Variants in ZNF536 observed in about 807,000 individuals in gnomAD.
ZNF536 encodes zinc finger protein 536.
ZNF536 carries 13 observed loss-of-function variants against 84.5 expected under a neutral mutation model. The observed-to-expected ratio is 0.15, with a 90% CI of 0.10 to 0.24. The LOEUF (loss-of-function observed/expected upper bound fraction) is 0.24, where lower values mean the gene tolerates loss of function less well. Ranked by LOEUF, ZNF536 falls within the 10% of genes least tolerant of loss-of-function variation. The pLI is 1.00. For synonymous variants in ZNF536, 811 were observed against 742.5 expected, an observed-to-expected ratio of 1.09 and a Z score of -1.50; for missense variants, 1,536 against 1,747.5, an observed-to-expected ratio of 0.88 and a Z score of 2.16.
Position 30,293,243 on chromosome 19 carries a change from C to T in ZNF536, c.-120+9102C>T, listed in dbSNP as rs118075990. Reference sequence around the variant, plus strand: ...CTCTCTCTCTGCCTCCTCCCCTTCTCGCCACCCTCTCTGTCCACCAGGATG... The same window carrying T: ...CTCTCTCTCTGCCTCCTCCCCTTCTTGCCACCCTCTCTGTCCACCAGGATG... On this transcript the variant is annotated intron_variant, in intron 2 of 5. Coordinates refer to the ZNF536 transcript ENST00000585628. 6.1e-3 allele frequency among the ~76,000 whole-genome samples: 924 copies of T among 152,298 alleles called. 8 individuals are homozygous for T. Among genetic ancestry groups the T allele is most frequent in the South Asian group, 0.03 (146 of 4,824 alleles).
intron 2 of ZNF536, among the ~76,000 whole-genome samples, chr19:30,320,483 T>G (rs552869786): frequency 6.6e-6 from 1 of 152,258 alleles, no homozygotes; most frequent in East Asian, 1.9e-4. Context: ...CAATTCTTTG[T>G]CCTCTTTATC....
chr19:30,391,915 AT>A (rs1262539032), intron 1 of ZNF536, among the ~76,000 whole-genome samples: 2 of 152,162 alleles, frequency 1.3e-5, no homozygotes, highest in Non-Finnish European at 2.9e-5. Context: ...ATCAGTACTA[AT>A]TTAGCTAATG....
chr19:30,383,788 C>T (rs1329411187), intron 1 of ZNF536, among the ~76,000 whole-genome samples: 3 of 138,870 alleles, frequency 2.2e-5, no homozygotes, highest in Non-Finnish European at 4.7e-5. Context: ...TTCTTTCTTT[C>T]TTTTCTTTCT....
intron 2 of ZNF536, among the ~76,000 whole-genome samples, chr19:30,507,608 A>T (rs960756537): frequency 6.6e-6 from 1 of 152,212 alleles, no homozygotes; most frequent in Admixed American, 6.5e-5. Context: ...GAATAGAGAA[A>T]AAGGGTTCCA....
chr19:30,242,094 G>A (rs1330454074), intron 1 of ZNF536, among the ~76,000 whole-genome samples: 3 of 152,042 alleles, frequency 2.0e-5, no homozygotes, highest in Admixed American at 2.0e-4. Context: ...GGCATCCATG[G>A]GCCACTGTGG....
Position 30,243,607 on chromosome 19 carries a change from A to G in ZNF536, c.-190+14934A>G, listed in dbSNP as rs553782739. 1.2e-4 allele frequency among the ~76,000 whole-genome samples: 18 copies of G among 152,340 alleles called. 2 individuals are homozygous for G. In the South Asian group the frequency reaches 1.9e-3, roughly 16 times the overall value. On this transcript the variant is annotated intron_variant, in intron 1 of 5. Transcript: ENST00000585628. Reference sequence around the variant, plus strand: ...AAAACAAATGATAACGCTAATGAAAAAATTATATTTTTCCCCAACTTAGAG... The same window carrying G: ...AAAACAAATGATAACGCTAATGAAAGAATTATATTTTTCCCCAACTTAGAG...
rs752485898 is a variant in ZNF536 at position 30,443,633 on chromosome 19, C to A, written c.71C>A (p.Pro24His). The change falls in exon 2 of 5, where the codon CCC becomes CAC. Residue 24 changes from proline (P) to histidine (H), a missense_variant. Around this residue, in one of 8 missense-constraint regions of ZNF536, gnomAD observed 161 missense variants for 178.5 expected, o/e 0.90. Coordinates refer to ENST00000355537, the MANE Select transcript of ZNF536 (RefSeq NM_014717.3). ...EPEAEPHLSG[P>H]VLNGQYAMSQ... is the part of the protein sequence containing the mutation. ...GAAGCTGAGCCCCACCTGAGTGGCC[C>A]CGTCCTCAACGGCCAGTATGCCATG... 2 of 1,610,956 alleles carry A rather than the reference C, an allele frequency of 1.2e-6. No individual in the cohort carries two copies. The highest frequency in any genetic ancestry group is 4.5e-5 in the East Asian group (2 of 44,856).
intron 2 of ZNF536, among the ~76,000 whole-genome samples, chr19:30,492,890 CAA>C (rs1393267117): frequency 6.6e-6 from 1 of 152,168 alleles, no homozygotes; most frequent in Non-Finnish European, 1.5e-5. Flanking sequence ...GCTTGAATTT[CAA>C]AGTCAGCCAC....
At chr19:30,414,676 T>A (rs1339226729) in intron 1 of ZNF536, among the ~76,000 whole-genome samples, 3 of 152,224 alleles carry the variant, frequency 2.0e-5, no homozygotes, top group Non-Finnish European at 2.9e-5. Context: ...GTGAAAATGA[T>A]CTGTGATTTT....
At chr19:30,453,821 C>G (rs1213857763) in intron 2 of ZNF536, among the ~76,000 whole-genome samples, 1 of 152,246 alleles carries the variant, frequency 6.6e-6, no homozygotes, top group Admixed American at 6.5e-5. Flanking sequence ...TTTCCACCAC[C>G]CCCAAGAGAA....
intron 2 of ZNF536, chr19:30,300,370 C>T (rs556989925): frequency 1.3e-5 from 2 of 152,160 alleles, no homozygotes; most frequent in Non-Finnish European, 2.9e-5. Flanking sequence ...AGGAGCCTTC[C>T]TGTCCTCTGT....
At chr19:30,330,763 A>G (rs1487945334) in intron 2 of ZNF536, among the ~76,000 whole-genome samples, 1 of 152,308 alleles carries the variant, frequency 6.6e-6, no homozygotes, top group East Asian at 1.9e-4. Context: ...ACTTCGAGGC[A>G]TTGAAGTGGA....
intron 2 of ZNF536, among the ~76,000 whole-genome samples, chr19:30,469,446 T>C (rs948220344): frequency 1.0e-3 from 152 of 151,606 alleles, no homozygotes; most frequent in African/African-American, 3.6e-3. Flanking sequence ...ATGGCAGGAG[T>C]CCCCAGCCTG....
chr19:30,503,119 CT>C (rs777415917), intron 2 of ZNF536, among the ~76,000 whole-genome samples: 18 of 152,106 alleles, frequency 1.2e-4, no homozygotes, highest in Non-Finnish European at 2.5e-4. Flanking sequence ...ATGAATTTGA[CT>C]GCATAAAAAT....
chr19:30,339,523 G>A (rs2047496434), intron 2 of ZNF536, among the ~76,000 whole-genome samples: 1 of 152,176 alleles, frequency 6.6e-6, no homozygotes, highest in African/African-American at 2.4e-5. Context: ...GTCTCAGGGT[G>A]TGGCACACAC....
intron 1 of ZNF536, among the ~76,000 whole-genome samples, chr19:30,384,098 C>CTTTCTCTCTCTT (rs1445807219): frequency 6.9e-5 from 6 of 86,528 alleles, no homozygotes; most frequent in Non-Finnish European, 1.4e-4. Flanking sequence ...CCACCTCTTT[C>CTTTCTCTCTCTT]TCTTTCTTTC....
intron 2 of ZNF536, among the ~76,000 whole-genome samples, chr19:30,324,572 T>C (rs993426764): frequency 1.1e-4 from 17 of 152,186 alleles, no homozygotes; most frequent in Admixed American, 4.6e-4. Flanking sequence ...AAAATTTTTT[T>C]GTAGAGACGG....
chr19:30,334,328 CAG>C (rs1405486563), intron 2 of ZNF536, among the ~76,000 whole-genome samples: 1 of 152,166 alleles, frequency 6.6e-6, no homozygotes, highest in African/African-American at 2.4e-5. Flanking sequence ...GCTGAATACT[CAG>C]AGTCAATTAA....
At chr19:30,428,347 T>C (rs919363868) in intron 1 of ZNF536, among the ~76,000 whole-genome samples, 1 of 152,236 alleles carries the variant, frequency 6.6e-6, no homozygotes, top group Admixed American at 6.5e-5. Flanking sequence ...CTCACTCATC[T>C]TCCCAGGTAC....
Sources: allele counts gnomAD v4.1 joint callset (sites outside exome capture counted in the v4.1 genomes callset), GRCh38; gene constraint gnomAD v4.1.1; regional missense constraint gnomAD v4.1.1; transcripts MANE v1.5; gene names NCBI Gene and HGNC (gene_info 2026-07-23, HGNC 2026-07-21).